ZDHHC14: variants seen among roughly 807,000 people sequenced by gnomAD.
The protein encoded by ZDHHC14 is palmitoyltransferase ZDHHC14.
In ZDHHC14, 16 loss-of-function variants were observed where a neutral mutation model predicts 47.7. The ratio of observed to expected loss-of-function variants is 0.34; its 90% CI spans 0.23 to 0.51. The LOEUF (loss-of-function observed/expected upper bound fraction) is 0.51. Ranked by LOEUF, ZDHHC14 falls within the 20% of genes least tolerant of loss-of-function variation. The pLI is 0.97. For missense variants in ZDHHC14, 515 were observed against 662.5 expected (o/e 0.78, Z 2.44); for synonymous variants, 293 against 278.9 (o/e 1.05, Z -0.50).
chr6:157,638,033 C>T (rs1461608732), intron 5 of ZDHHC14, among the ~76,000 whole-genome samples: 1 of 152,052 alleles, frequency 6.6e-6, no homozygotes, highest in Admixed American at 6.6e-5. Context: ...TAAGTAAGCC[C>T]GGACTGGGTG....
chr6:157,410,041 G>A (rs2114756830), intron 1 of ZDHHC14, among the ~76,000 whole-genome samples: 1 of 152,172 alleles, frequency 6.6e-6, no homozygotes, highest in African/African-American at 2.4e-5. Flanking sequence ...ATGTTGGCCA[G>A]GCTGGTCTCG....
chr6:157,498,676 A>G (rs1359598140), intron 1 of ZDHHC14, among the ~76,000 whole-genome samples: 2 of 152,228 alleles, frequency 1.3e-5, no homozygotes, highest in African/African-American at 2.4e-5. Flanking sequence ...GGGAGAAAAC[A>G]TATTTTTGAA....
At chr6:157,573,500 G>A (rs988052535) in intron 2 of ZDHHC14, among the ~76,000 whole-genome samples, 1 of 152,168 alleles carries the variant, frequency 6.6e-6, no homozygotes, top group African/African-American at 2.4e-5. Flanking sequence ...TCTCTATGCG[G>A]GACATGCCCC....
chr6:157,513,381 C>G (rs1467384847), intron 1 of ZDHHC14, among the ~76,000 whole-genome samples: 1 of 152,216 alleles, frequency 6.6e-6, no homozygotes, highest in Non-Finnish European at 1.5e-5. Context: ...TCAGGACAGG[C>G]AGGGCCCAGG....
chr6:157,546,514 T>A (rs147773624), intron 2 of ZDHHC14, among the ~76,000 whole-genome samples: 1,601 of 152,154 alleles, frequency 0.011, 18 homozygotes, highest in Non-Finnish European at 0.018. Flanking sequence ...GGCTTCAGAG[T>A]CTGTTTCAAG....
At chr6:157,573,722 C>G (rs1783188741) in intron 2 of ZDHHC14, among the ~76,000 whole-genome samples, 3 of 152,218 alleles carry the variant, frequency 2.0e-5, no homozygotes, top group African/African-American at 7.2e-5. Context: ...GTTAATCCTT[C>G]CTGCCAGCTG....
At chr6:157,476,295 T>C (rs972551712) in intron 1 of ZDHHC14, among the ~76,000 whole-genome samples, 2 of 152,124 alleles carry the variant, frequency 1.3e-5, no homozygotes, top group Non-Finnish European at 2.9e-5. Context: ...CCATGAGCAA[T>C]TGGATAAACT....
chr6:157,394,719 C>T (rs1162660057), intron 1 of ZDHHC14, among the ~76,000 whole-genome samples: 2 of 152,168 alleles, frequency 1.3e-5, no homozygotes, highest in African/African-American at 4.8e-5. Flanking sequence ...GAGTGATGGC[C>T]AAAATAACAT....
chr6:157,512,133 T>C (rs1471653925), intron 1 of ZDHHC14, among the ~76,000 whole-genome samples: 2 of 152,210 alleles, frequency 1.3e-5, no homozygotes, highest in African/African-American at 2.4e-5. Flanking sequence ...GTAGGTCCAA[T>C]TATTATCCTC....
chr6:157,394,529 G>T (rs1562408040), intron 1 of ZDHHC14, among the ~76,000 whole-genome samples: 1 of 152,300 alleles, frequency 6.6e-6, no homozygotes, highest in East Asian at 1.9e-4. Context: ...ATGTAGAGGG[G>T]TTTAGACCAC....
At chr6:157,456,844 C>T (rs919128098) in intron 1 of ZDHHC14, among the ~76,000 whole-genome samples, 1 of 152,026 alleles carries the variant, frequency 6.6e-6, no homozygotes, top group Non-Finnish European at 1.5e-5. Flanking sequence ...ATTACATGTG[C>T]TGGTACAAAG....
At chr6:157,556,291 C>T (rs1010637906) in intron 2 of ZDHHC14, among the ~76,000 whole-genome samples, 4 of 152,094 alleles carry the variant, frequency 2.6e-5, no homozygotes, top group African/African-American at 4.8e-5. Flanking sequence ...GCCAGCACCC[C>T]ACAGCGCTCG....
intron 1 of ZDHHC14, among the ~76,000 whole-genome samples, chr6:157,517,081 A>C (rs1345998072): frequency 6.6e-6 from 1 of 152,162 alleles, no homozygotes; most frequent in Non-Finnish European, 1.5e-5. Context: ...ATCTCCGAGC[A>C]CTTTCAGTGC....
intron 3 of ZDHHC14, among the ~76,000 whole-genome samples, chr6:157,614,767 GTT>G (rs574446811): frequency 7.1e-6 from 1 of 141,480 alleles, no homozygotes; most frequent in East Asian, 2.0e-4. Context: ...AACTCTTCAT[GTT>G]TTTTTTTTGT....
intron 1 of ZDHHC14, among the ~76,000 whole-genome samples, chr6:157,495,514 A>T (rs1780040014): frequency 6.6e-6 from 1 of 151,924 alleles, no homozygotes. Context: ...AGCATCAGAG[A>T]CCCCAGAAGC....
At chr6:157,670,021 T>G (rs1032492190) in intron 8 of ZDHHC14, among the ~76,000 whole-genome samples, 1 of 152,252 alleles carries the variant, frequency 6.6e-6, no homozygotes, top group Non-Finnish European at 1.5e-5. Context: ...TGCCTCTGCC[T>G]CTGCCCTGTC....
intron 1 of ZDHHC14, among the ~76,000 whole-genome samples, chr6:157,466,885 T>TA (rs370618567): frequency 8.1e-4 from 120 of 148,830 alleles, no homozygotes; most frequent in East Asian, 3.7e-3. Context: ...AAAAAAATGT[T>TA]AAAAAAAAAA....
intron 1 of ZDHHC14, among the ~76,000 whole-genome samples, chr6:157,494,991 A>G (rs1780020627): frequency 6.6e-6 from 1 of 152,206 alleles, no homozygotes; most frequent in Admixed American, 6.5e-5. Flanking sequence ...TAGATTTGGT[A>G]TCTCAGCTTT....
At chr6:157,603,651 A>G (rs1349481857) in intron 3 of ZDHHC14, among the ~76,000 whole-genome samples, 2 of 152,150 alleles carry the variant, frequency 1.3e-5, no homozygotes, top group African/African-American at 4.8e-5. Flanking sequence ...AACAAGCAGC[A>G]TTTCTTTTTC....
Sources: allele counts gnomAD v4.1 joint callset (sites outside exome capture counted in the v4.1 genomes callset), GRCh38; gene constraint gnomAD v4.1.1; transcripts MANE v1.5; gene names NCBI Gene and HGNC (gene_info 2026-07-23, HGNC 2026-07-21).